Variants in UNC5C observed in about 807,000 individuals in gnomAD.
The protein encoded by UNC5C is netrin receptor UNC5C.
Under a neutral mutation model 99.8 loss-of-function variants are expected in UNC5C, and 47 were observed. The observed-to-expected ratio is 0.47, with a 90% CI of 0.37 to 0.60. The LOEUF (loss-of-function observed/expected upper bound fraction) is 0.60, where lower values mean the gene tolerates loss of function less well. Among genes scored for constraint, UNC5C ranks in the 20% least tolerant of loss-of-function variants. The pLI, the probability that UNC5C is intolerant of heterozygous loss-of-function variation, is 0.00. For missense variants in UNC5C, 1,062 were observed against 1,165.9 expected, an observed-to-expected ratio of 0.91 and a Z score of 1.30; for synonymous variants, 487 against 452.2, an observed-to-expected ratio of 1.08 and a Z score of -0.98.
chr4:95,422,406 T>G (rs1446907598), intron 1 of UNC5C, among the ~76,000 whole-genome samples: 1 of 152,222 alleles, frequency 6.6e-6, no homozygotes, highest in Non-Finnish European at 1.5e-5. Flanking sequence ...TAAAGCAATC[T>G]GTTAAGAAAA....
intron 14 of UNC5C, among the ~76,000 whole-genome samples, chr4:95,174,444 C>T (rs1165663554): frequency 6.6e-6 from 1 of 152,022 alleles, no homozygotes; most frequent in Admixed American, 6.6e-5. Flanking sequence ...TATGTTGTGT[C>T]TTTGTTCTCG....
intron 2 of UNC5C, among the ~76,000 whole-genome samples, chr4:95,320,785 ATG>A (rs1374318746): frequency 6.6e-6 from 1 of 152,178 alleles, no homozygotes; most frequent in Non-Finnish European, 1.5e-5. Context: ...AAACACACAC[ATG>A]TGTGTCTGTA....
At chr4:95,354,449 G>A (rs1041262114) in intron 1 of UNC5C, among the ~76,000 whole-genome samples, 17 of 120,788 alleles carry the variant, frequency 1.4e-4, no homozygotes, top group African/African-American at 3.0e-4. Context: ...CTTTTCTATC[G>A]TATTTTACCT....
intron 1 of UNC5C, among the ~76,000 whole-genome samples, chr4:95,456,289 C>A (rs1747424517): frequency 6.6e-6 from 1 of 151,968 alleles, no homozygotes; most frequent in South Asian, 2.1e-4. Flanking sequence ...TATTTAAATC[C>A]TCTAGGTATA....
At chr4:95,448,114 C>A (rs1747159759) in intron 1 of UNC5C, among the ~76,000 whole-genome samples, 1 of 151,980 alleles carries the variant, frequency 6.6e-6, no homozygotes, top group Admixed American at 6.6e-5. Context: ...GATAGTCTCA[C>A]CCTGATATGT....
intron 4 of UNC5C, among the ~76,000 whole-genome samples, chr4:95,271,504 C>T (rs1164809297): frequency 1.3e-5 from 2 of 152,108 alleles, no homozygotes; most frequent in Non-Finnish European, 2.9e-5. Flanking sequence ...GCTGGGATTA[C>T]AGGCGTGAGC....
intron 1 of UNC5C, among the ~76,000 whole-genome samples, chr4:95,340,900 C>T (rs1743545096): frequency 6.6e-6 from 1 of 152,082 alleles, no homozygotes; most frequent in Non-Finnish European, 1.5e-5. Context: ...GACATTTTCA[C>T]ACAAACACAT....
intron 1 of UNC5C, among the ~76,000 whole-genome samples, chr4:95,516,339 A>G (rs527581520): frequency 3.3e-5 from 5 of 152,332 alleles, no homozygotes; most frequent in Admixed American, 3.3e-4. Context: ...AAGCAAATGA[A>G]AACAGTATTG....
chr4:95,335,358 G>T, intron 2 of UNC5C, 52 bp downstream of exon 2: 1 of 1,479,886 alleles, frequency 6.8e-7, no homozygotes, highest in Non-Finnish European at 9.4e-7. Flanking sequence ...ACATGCTAGA[G>T]TAGTGAGTAA....
intron 1 of UNC5C, among the ~76,000 whole-genome samples, chr4:95,353,953 G>A (rs1342855228): frequency 6.6e-6 from 1 of 152,052 alleles, no homozygotes; most frequent in African/African-American, 2.4e-5. Context: ...AAGTACAGAA[G>A]TCCATAAGTC....
At chr4:95,277,936 A>C (rs1401721506) in intron 4 of UNC5C, among the ~76,000 whole-genome samples, 2 of 152,324 alleles carry the variant, frequency 1.3e-5, no homozygotes, top group East Asian at 3.9e-4. Flanking sequence ...AACAATAATA[A>C]AATTGATGGC....
At chr4:95,433,172 C>CTT (rs945581700) in intron 1 of UNC5C, among the ~76,000 whole-genome samples, 42 of 152,106 alleles carry the variant, frequency 2.8e-4, no homozygotes, top group Admixed American at 2.3e-3. Context: ...TGTGTTTATA[C>CTT]TTAGTCAAAG....
At chr4:95,255,546 C>T (rs184246690) in intron 4 of UNC5C, among the ~76,000 whole-genome samples, 14 of 152,232 alleles carry the variant, frequency 9.2e-5, no homozygotes, top group African/African-American at 3.1e-4. Context: ...CAGGGCTCTC[C>T]CACTATCTGT....
chr4:95,360,789 G>T (rs1744365700), intron 1 of UNC5C, among the ~76,000 whole-genome samples: 1 of 152,060 alleles, frequency 6.6e-6, no homozygotes, highest in African/African-American at 2.4e-5. Context: ...CAAGGCCTCT[G>T]TTTTATTAAA....
chr4:95,536,979 C>T (rs1345700574), intron 1 of UNC5C, among the ~76,000 whole-genome samples: 4 of 152,268 alleles, frequency 2.6e-5, no homozygotes, highest in East Asian at 1.9e-4. Context: ...AAGAGTACCT[C>T]TTGATTTTAT....
chr4:95,247,224 T>G (rs1434321771), intron 5 of UNC5C, among the ~76,000 whole-genome samples: 1 of 152,108 alleles, frequency 6.6e-6, no homozygotes, highest in Non-Finnish European at 1.5e-5. Context: ...AAAAAATATA[T>G]AAAACAGTTG....
At position 95,242,434 on chromosome 4, in the gene UNC5C, A is replaced by T; in HGVS notation, c.1103T>A (p.Met368Lys). The change falls in exon 7 of 16, where the codon ATG becomes AAG. Residue 368 changes from methionine to lysine, a missense_variant. Physicochemically the swap from Met to Lys is moderately conservative, Grantham distance 95. Transcript: ENST00000453304. Reference protein sequence around the residue: ...QSKNCTDGLCMQTAPDSDDVA... With the variant: ...QSKNCTDGLCKQTAPDSDDVA... ...GTTTGCTTAAATTGACTTACTCTGC[A>T]TGCAAAGCCCATCAGTGCAGTTCTT... 3.1e-6 allele frequency: 5 copies of T among 1,614,120 alleles called. No individual in the cohort carries two copies. The highest frequency in any genetic ancestry group is 2.2e-5 in the South Asian group (2 of 91,082).
intron 1 of UNC5C, among the ~76,000 whole-genome samples, chr4:95,522,611 T>G (rs945848837): frequency 1.3e-5 from 2 of 152,218 alleles, no homozygotes; most frequent in Admixed American, 6.5e-5. Flanking sequence ...TCCTGACTTT[T>G]TAATTAGTCT....
rs146917690 is a variant in UNC5C at position 95,231,140 on chromosome 4, T to G, written c.1109-10964A>C. 3.5e-3 allele frequency among the ~76,000 whole-genome samples: 537 copies of G among 152,224 alleles called. 2 individuals are homozygous for G. Among genetic ancestry groups the G allele is most frequent in the African/African-American group, 0.012 (510 of 41,544 alleles). On this transcript the variant is annotated intron_variant, in intron 7 of 15. Coordinates refer to ENST00000453304, the MANE Select transcript of UNC5C (RefSeq NM_003728.4). ...TTTTATGCCCTCTAAAGTCTATATG[T>G]AGGTGTCTGGGCATTAAAACCTTGT...
Sources: gnomAD v4.1 joint callset for allele counts (sites outside exome capture counted in the v4.1 genomes callset) on GRCh38, gnomAD v4.1.1 for gene constraint, MANE v1.5 for transcripts, NCBI Gene and HGNC (gene_info 2026-07-23, HGNC 2026-07-21) for gene names.